TAFA5: variants seen among roughly 807,000 people sequenced by gnomAD.
The protein encoded by TAFA5 is chemokine-like protein TAFA-5.
TAFA5 carries 6 observed loss-of-function variants against 15.3 expected under a neutral mutation model. That is an observed-to-expected ratio of 0.39 (90% CI 0.21 to 0.77). The LOEUF (loss-of-function observed/expected upper bound fraction) is 0.77, where lower values mean the gene tolerates loss of function less well. Ranked by LOEUF, TAFA5 falls within the 30% of genes least tolerant of loss-of-function variation. The pLI, the probability that TAFA5 is intolerant of heterozygous loss-of-function variation, is 0.41. For synonymous variants in TAFA5, 103 were observed against 80.7 expected (o/e 1.28, Z -1.48); for missense variants, 161 against 193.1 (o/e 0.83, Z 0.98).
chr22:48,723,032 C>T (rs1427039490), intron 3 of TAFA5, among the ~76,000 whole-genome samples: 3 of 152,160 alleles, frequency 2.0e-5, no homozygotes, highest in East Asian at 1.9e-4. Context: ...GCCCCAAGGC[C>T]GCCCTCTACC....
chr22:48,640,177 T>C (rs542928906), intron 1 of TAFA5, among the ~76,000 whole-genome samples: 1 of 152,278 alleles, frequency 6.6e-6, no homozygotes, highest in Non-Finnish European at 1.5e-5. Context: ...ACCAGACCAC[T>C]CCTCAGTTCC....
At chr22:48,686,014 G>T (rs1187823024) in intron 2 of TAFA5, among the ~76,000 whole-genome samples, 3 of 151,850 alleles carry the variant, frequency 2.0e-5, no homozygotes, top group Non-Finnish European at 4.4e-5. Context: ...GGCCCCACGT[G>T]TGCCCCGGGA....
intron 1 of TAFA5, among the ~76,000 whole-genome samples, chr22:48,522,819 C>T (rs1921651043): frequency 6.6e-6 from 1 of 152,232 alleles, no homozygotes; most frequent in South Asian, 2.1e-4. Context: ...CTGGCCTGTC[C>T]CTTGGTGACT....
At chr22:48,623,396 C>A (rs5771674) in intron 1 of TAFA5, among the ~76,000 whole-genome samples, 1 of 53,272 alleles carries the variant, frequency 1.9e-5, no homozygotes. Flanking sequence ...TGGGACGGGA[C>A]GTGTCGCGTG....
intron 3 of TAFA5, among the ~76,000 whole-genome samples, chr22:48,729,824 C>T (rs1025936316): frequency 2.0e-5 from 3 of 150,118 alleles, no homozygotes; most frequent in Admixed American, 6.6e-5. Flanking sequence ...GAAAGTGTCC[C>T]AAAAGATAAA....
intron 1 of TAFA5, among the ~76,000 whole-genome samples, chr22:48,627,205 G>A (rs1926052745): frequency 6.6e-6 from 1 of 152,214 alleles, no homozygotes; most frequent in Non-Finnish European, 1.5e-5. Flanking sequence ...GAATTTTTCT[G>A]GAAGTTCAGT....
chr22:48,574,607 G>A (rs941171362), intron 1 of TAFA5, among the ~76,000 whole-genome samples: 1 of 152,174 alleles, frequency 6.6e-6, no homozygotes, highest in East Asian at 1.9e-4. Flanking sequence ...CACATGCACC[G>A]CGGGCACCAG....
rs140383165 is a variant in TAFA5 at position 48,568,198 on chromosome 22, G to T, written c.113-78399G>T. ...AGCCATCCCAAGGCCCAGCTGGTCA[G>T]CGAGAGAAAGCAGCACCTTCCCCCT... On this transcript the variant is annotated intron_variant, in intron 1 of 3. Coordinates refer to ENST00000402357, the MANE Select transcript of TAFA5 (RefSeq NM_001082967.3). 2.0e-3 allele frequency among the ~76,000 whole-genome samples: 310 copies of T among 152,378 alleles called. 3 individuals carry two copies. The highest frequency in any genetic ancestry group is 7.1e-3 in the African/African-American group (295 of 41,592).
chr22:48,713,564 C>G (rs132247), intron 3 of TAFA5, among the ~76,000 whole-genome samples: 1 of 152,064 alleles, frequency 6.6e-6, no homozygotes, highest in African/African-American at 2.4e-5. Context: ...GGATGATTCA[C>G]GCCACCTACA....
At chr22:48,527,570 A>G (rs1166654550) in intron 1 of TAFA5, among the ~76,000 whole-genome samples, 2 of 152,214 alleles carry the variant, frequency 1.3e-5, no homozygotes, top group South Asian at 2.1e-4. Flanking sequence ...GCACAGAGAC[A>G]GGCCAGGTTC....
At chr22:48,700,026 G>A (rs548472239) in intron 2 of TAFA5, among the ~76,000 whole-genome samples, 100 of 152,108 alleles carry the variant, frequency 6.6e-4, no homozygotes, top group African/African-American at 2.3e-3. Context: ...GAATGTGCAC[G>A]AGTACACGCA....
At chr22:48,579,837 G>T (rs1411794465) in intron 1 of TAFA5, among the ~76,000 whole-genome samples, 2 of 152,174 alleles carry the variant, frequency 1.3e-5, no homozygotes, top group Admixed American at 6.5e-5. Flanking sequence ...AGGTTTCTGG[G>T]CTTTGGCACC....
rs76525272 is a variant in TAFA5 at position 48,555,439 on chromosome 22, C to T, written c.112+65735C>T. 3.0e-4 allele frequency among the ~76,000 whole-genome samples: 45 copies of T among 152,328 alleles called. 1 individual carries two copies. The East Asian group carries it at 8.1e-3, about 27-fold the overall frequency. On this transcript the variant is annotated intron_variant, in intron 1 of 3. Transcript: ENST00000402357. ...AGGGCGGCTGCTCCCTGATGGAGGA[C>T]GTGGGCTCCCAGCTCATTCCTGTGG...
At chr22:48,701,409 C>G (rs1243893486) in intron 2 of TAFA5, among the ~76,000 whole-genome samples, 1 of 152,188 alleles carries the variant, frequency 6.6e-6, no homozygotes, top group Non-Finnish European at 1.5e-5. Context: ...CTCTCCTGCA[C>G]GGGTCCACCC....
intron 1 of TAFA5, among the ~76,000 whole-genome samples, chr22:48,576,086 G>A (rs1923780428): frequency 1.0e-5 from 1 of 97,448 alleles, no homozygotes; most frequent in Non-Finnish European, 1.9e-5. Context: ...TCCGCGGCCC[G>A]CCGTCCGGGC....
intron 2 of TAFA5, among the ~76,000 whole-genome samples, chr22:48,662,338 G>A (rs1343454920): frequency 1.3e-5 from 2 of 152,162 alleles, no homozygotes; most frequent in African/African-American, 4.8e-5. Flanking sequence ...GGGGTGCCAG[G>A]AAGGTGACGG....
At chr22:48,743,637 G>A (rs966850144) in intron 3 of TAFA5, among the ~76,000 whole-genome samples, 5 of 152,286 alleles carry the variant, frequency 3.3e-5, no homozygotes, top group South Asian at 2.1e-4. Context: ...TCATTCCGGC[G>A]TACCACGGCC....
At chr22:48,553,920 C>G (rs574852425) in intron 1 of TAFA5, among the ~76,000 whole-genome samples, 1 of 152,334 alleles carries the variant, frequency 6.6e-6, no homozygotes, top group East Asian at 1.9e-4. Flanking sequence ...TGGCCTCCGT[C>G]CTGGCCAAGC....
intron 1 of TAFA5, among the ~76,000 whole-genome samples, chr22:48,577,549 G>C (rs952892522): frequency 1.3e-5 from 2 of 152,234 alleles, no homozygotes; most frequent in African/African-American, 4.8e-5. Flanking sequence ...ACCGGAGGGC[G>C]CCTGTGTGGC....
Sources: gnomAD v4.1 joint callset for allele counts (sites outside exome capture counted in the v4.1 genomes callset) on GRCh38, gnomAD v4.1.1 for gene constraint, MANE v1.5 for transcripts, NCBI Gene and HGNC (gene_info 2026-07-23, HGNC 2026-07-21) for gene names.